Variants in KIAA2012 observed in about 807,000 individuals in gnomAD.
KIAA2012 encodes the protein KIAA2012.
A neutral mutation model predicts 150.6 loss-of-function variants in KIAA2012; 125 were observed. That is an observed-to-expected ratio of 0.83 (90% confidence interval 0.72 to 0.96). The LOEUF is 0.96. KIAA2012 is among the 40% of genes least tolerant of loss of function. The probability of loss-of-function intolerance (pLI) is 0.00; values close to 1 mark genes in which losing one functional copy is unlikely to be tolerated. For missense variants in KIAA2012, 1,219 were observed against 1,354.9 expected, an observed-to-expected ratio of 0.90 and a Z score of 1.57; for synonymous variants, 462 against 504.7, an observed-to-expected ratio of 0.92 and a Z score of 1.13.
chr2:202,100,286 A>C, intron 6 of KIAA2012, 21 bp from the exon 7 acceptor site: 1 of 1,546,348 alleles, frequency 6.5e-7, no homozygotes, highest in Non-Finnish European at 8.7e-7. Context: ...ATATATTCTC[A>C]TTCTCATCCT....
At chr2:202,092,972 C>G in intron 3 of KIAA2012, 58 bp from the exon 4 acceptor site, 1 of 1,467,090 alleles carries the variant, frequency 6.8e-7, no homozygotes, top group Non-Finnish European at 9.2e-7. Flanking sequence ...TAGTTACCAC[C>G]AAGAACTTGA....
rs111987869 is a variant in KIAA2012 at position 202,109,924 on chromosome 2, G to T, written c.1651+135G>T. On this transcript the variant is annotated intron_variant, in intron 10 of 23. Coordinates refer to ENST00000498697, the MANE Select transcript of KIAA2012 (RefSeq NM_001277372.4). ...AGGGGTAATTGACACTGTTTCTGAT[G>T]ATGTCAGTGGGATTAATGTTCCCCA... The T allele has an allele frequency of 7.7e-3, 5,822 of 755,554 alleles. 202 individuals carry two copies. In the African/African-American group the frequency reaches 0.081, roughly 11 times the overall value. 46.8% of individuals were successfully genotyped at this position (755,554 alleles called of 1,614,324 possible).
rs573668971 is a variant in KIAA2012, at chr2:202,136,133, A to C, written c.1832-2299A>C. On this transcript the variant is annotated intron_variant, in intron 12 of 23. Transcript: ENST00000498697. Reference sequence around the variant, plus strand: ...TACAGTTCTTAAAGGTGGTGTGTCCAGAGTTTATTCCTTCTGGTGGGTTCG... The same window carrying C: ...TACAGTTCTTAAAGGTGGTGTGTCCCGAGTTTATTCCTTCTGGTGGGTTCG... 4.3e-4 allele frequency: 125 copies of C among 288,518 alleles called. 1 individual carries two copies. The highest frequency in any genetic ancestry group is 2.8e-3 in the African/African-American group (122 of 44,260). 17.9% of individuals were successfully genotyped at this position (288,518 alleles called of 1,614,324 possible).
intron 15 of KIAA2012, among the ~76,000 whole-genome samples, chr2:202,183,219 A>T (rs1692155964): frequency 6.6e-6 from 1 of 152,102 alleles, no homozygotes; most frequent in Non-Finnish European, 1.5e-5. Flanking sequence ...CAGAAGTTCG[A>T]GACCAGCCTA....
chr2:202,197,172 T>G, intron 22 of KIAA2012, 153 bp downstream of exon 22: 2 of 1,156,362 alleles, frequency 1.7e-6, no homozygotes, highest in African/African-American at 1.6e-5. Flanking sequence ...GGGATTCTTT[T>G]GCTGCAAATG....
chr2:202,124,996 G>C (rs1690744532), intron 11 of KIAA2012, among the ~76,000 whole-genome samples: 1 of 152,216 alleles, frequency 6.6e-6, no homozygotes, highest in Non-Finnish European at 1.5e-5. Flanking sequence ...CTTGAACCCT[G>C]TAGGCAGAGG....
chr2:202,132,268 T>A (rs560196480), intron 12 of KIAA2012, among the ~76,000 whole-genome samples: 1 of 152,186 alleles, frequency 6.6e-6, no homozygotes. Flanking sequence ...CAGATTTTTA[T>A]TTTATAGAAA....
chr2:202,114,777 A>C (rs1690471928), intron 11 of KIAA2012, among the ~76,000 whole-genome samples: 1 of 152,226 alleles, frequency 6.6e-6, no homozygotes, highest in Admixed American at 6.5e-5. Flanking sequence ...GAGAAAGAGA[A>C]AGATGAAACT....
chr2:202,171,066 G>A (rs1350404709), intron 15 of KIAA2012, among the ~76,000 whole-genome samples: 1 of 151,578 alleles, frequency 6.6e-6, no homozygotes, highest in Non-Finnish European at 1.5e-5. Flanking sequence ...CGCCCCCCAC[G>A]GGAGAAAACA....
chr2:202,095,261 GT>G (rs1302696555), intron 4 of KIAA2012, among the ~76,000 whole-genome samples: 1 of 152,172 alleles, frequency 6.6e-6, no homozygotes, highest in East Asian at 1.9e-4. Flanking sequence ...CCTGACTGAT[GT>G]TTTCATTTGT....
At chr2:202,162,811 T>A (rs1426346902) in intron 14 of KIAA2012, among the ~76,000 whole-genome samples, 1 of 150,164 alleles carries the variant, frequency 6.7e-6, no homozygotes, top group Admixed American at 6.6e-5. Context: ...GCGCCTATAG[T>A]CCCAGCTACT....
At chr2:202,195,131 G>C (rs535351760) in intron 21 of KIAA2012, among the ~76,000 whole-genome samples, 1 of 152,220 alleles carries the variant, frequency 6.6e-6, no homozygotes, top group South Asian at 2.1e-4. Flanking sequence ...CAGTGTGACC[G>C]TTTGGCACAT....
Position 202,079,883 on chromosome 2 carries a change from A to C in KIAA2012, c.369+4708A>C, listed in dbSNP as rs941108938. On this transcript the variant is annotated intron_variant, in intron 2 of 23. Coordinates refer to ENST00000498697, the MANE Select transcript of KIAA2012 (RefSeq NM_001277372.4). Reference sequence around the variant, plus strand: ...GTGGGATAAATACAAACAATGTGACATTGATTAAATAATGTATTTAAGATA... The same window carrying C: ...GTGGGATAAATACAAACAATGTGACCTTGATTAAATAATGTATTTAAGATA... 1.4e-3 allele frequency among the ~76,000 whole-genome samples: 208 copies of C among 152,340 alleles called. 1 individual carries two copies. The highest frequency in any genetic ancestry group is 4.6e-4 in the Non-Finnish European group (31 of 68,040).
chr2:202,094,085 C>G (rs1015700580), intron 4 of KIAA2012, among the ~76,000 whole-genome samples: 1 of 152,134 alleles, frequency 6.6e-6, no homozygotes, highest in African/African-American at 2.4e-5. Flanking sequence ...AGCTTGAGAC[C>G]AGCCTGGGCA....
chr2:202,116,663 C>T (rs1270484586), intron 11 of KIAA2012: 1 of 152,048 alleles, frequency 6.6e-6, no homozygotes, highest in African/African-American at 2.4e-5. Context: ...CCCCTTGCAA[C>T]TCTTTCTTGG....
chr2:202,179,655 T>G (rs1342551601), intron 15 of KIAA2012: 1 of 658,338 alleles, frequency 1.5e-6, no homozygotes, highest in African/African-American at 1.8e-5. Flanking sequence ...TGCAAGAATA[T>G]ACTCAGTCAG....
At chr2:202,114,901 T>A (rs1690476425) in intron 11 of KIAA2012, 1 of 167,312 alleles carries the variant, frequency 6.0e-6, no homozygotes, top group Non-Finnish European at 1.5e-5. Context: ...ATTGAATGAA[T>A]GAATGAATGA....
Position 202,100,326 on chromosome 2 carries a change from ACTC to A in KIAA2012, c.1034_1036del (p.Leu345del). The A allele has an allele frequency of 6.5e-7, 1 of 1,550,248 alleles. No homozygotes were observed. On this transcript the variant is annotated inframe_deletion, in exon 7 of 24. Transcript: ENST00000498697. The stretch of plus-strand genomic sequence containing the variant: ...TTAAAGATAAACAAAGGAACGTGAA[ACTC>A]CACAAGGCCAGAAGCAGCCACTTGT...
chr2:202,202,472 C>T lies in KIAA2012; in HGVS notation c.3451C>T (p.Leu1151Phe). 1 of 399,526 alleles carries T rather than the reference C, an allele frequency of 2.5e-6. No individual in the cohort carries two copies. The highest frequency in any genetic ancestry group is 4.4e-6 in the Non-Finnish European group (1 of 226,468). The allele number at this position is 399,526 out of a possible 1,614,324, so 24.7% of individuals were successfully genotyped here. ...LEKHFHFYQE[L>F]HKEASGLQWT... is the part of the protein sequence containing the mutation. ...GAAACATTTTCATTTCTATCAAGAACTCCATAAGGAAGCCAGTGGCCTGCA... is the reference window on the plus strand; with the variant it reads ...GAAACATTTTCATTTCTATCAAGAATTCCATAAGGAAGCCAGTGGCCTGCA... The change falls in exon 23 of 24, where the codon CTC becomes TTC. Residue 1151 changes from leucine (L) to phenylalanine (F), a missense_variant. Transcript: ENST00000498697.
Sources: gnomAD v4.1 joint callset for allele counts (sites outside exome capture counted in the v4.1 genomes callset) on GRCh38, gnomAD v4.1.1 for gene constraint, MANE v1.5 for transcripts, NCBI Gene and HGNC (gene_info 2026-07-23, HGNC 2026-07-21) for gene names.